The following RUNDC3B variants were observed in gnomAD, a reference collection of about 807,000 sequenced individuals.
The protein encoded by RUNDC3B is RUN domain-containing protein 3B.
In RUNDC3B, 33 loss-of-function variants were observed where a neutral mutation model predicts 58.4. That is an observed-to-expected ratio of 0.56 (90% CI 0.43 to 0.75). The LOEUF (loss-of-function observed/expected upper bound fraction) is 0.75. Ranked by LOEUF, RUNDC3B falls within the 30% of genes least tolerant of loss-of-function variation. The pLI is 0.00. For missense variants in RUNDC3B, 501 were observed against 535.7 expected (o/e 0.94, Z 0.64); for synonymous variants, 193 against 195.2 (o/e 0.99, Z 0.10).
intron 1 of RUNDC3B, among the ~76,000 whole-genome samples, chr7:87,632,087 G>GA (rs901144685): frequency 6.8e-6 from 1 of 147,638 alleles, no homozygotes. Context: ...TGATGTTCTG[G>GA]AAAAAATTGA....
intron 2 of RUNDC3B, among the ~76,000 whole-genome samples, chr7:87,695,901 A>T (rs538668915): frequency 6.6e-6 from 1 of 152,218 alleles, no homozygotes; most frequent in South Asian, 2.1e-4. Context: ...TTAGAGTAAC[A>T]TTGGACCCTA....
At chr7:87,632,317 A>G (rs765300695) in intron 1 of RUNDC3B, among the ~76,000 whole-genome samples, 6 of 152,224 alleles carry the variant, frequency 3.9e-5, no homozygotes, top group Non-Finnish European at 7.4e-5. Context: ...GGTTGTTTAG[A>G]TAGGTAAGAT....
intron 4 of RUNDC3B, among the ~76,000 whole-genome samples, chr7:87,733,995 A>C (rs1831768119): frequency 6.6e-6 from 1 of 152,244 alleles, no homozygotes; most frequent in Non-Finnish European, 1.5e-5. Flanking sequence ...GAATCTGAAT[A>C]GACACTTCTC....
chr7:87,712,170 G>A (rs1273194372), intron 4 of RUNDC3B, among the ~76,000 whole-genome samples: 2 of 152,084 alleles, frequency 1.3e-5, no homozygotes, highest in Admixed American at 1.3e-4. Flanking sequence ...GACCAGGATA[G>A]AAAGACTTTT....
intron 6 of RUNDC3B, among the ~76,000 whole-genome samples, chr7:87,752,377 A>G (rs1833063208): frequency 6.6e-6 from 1 of 152,110 alleles, no homozygotes; most frequent in Non-Finnish European, 1.5e-5. Context: ...TATCAGGATG[A>G]TGCTGGCCTC....
chr7:87,704,491 A>G (rs967534736), intron 3 of RUNDC3B, among the ~76,000 whole-genome samples: 4 of 152,232 alleles, frequency 2.6e-5, no homozygotes, highest in Non-Finnish European at 5.9e-5. Context: ...GAAGTTAACA[A>G]AGTTTAGAAA....
chr7:87,715,648 T>G lies in RUNDC3B; in HGVS notation c.458+4993T>G, dbSNP rs62489863. Reference sequence around the variant, plus strand: ...ACAGAAGCCATTGGAATAGAAGCATTTCATCATAGGAAGGACAATATTGAC... The same window carrying G: ...ACAGAAGCCATTGGAATAGAAGCATGTCATCATAGGAAGGACAATATTGAC... On this transcript the variant is annotated intron_variant, in intron 4 of 10. Transcript: ENST00000394654. 3.0e-3 allele frequency among the ~76,000 whole-genome samples: 455 copies of G among 151,042 alleles called. 3 individuals are homozygous for G. The highest frequency in any genetic ancestry group is 0.021 in the South Asian group (103 of 4,812).
In RUNDC3B at chr7:87,748,011, G is replaced by A. The variant is rs536225269; in HGVS notation, c.629+6432G>A. Among the ~76,000 whole-genome samples, 14 of 152,262 alleles carry A rather than the reference G, an allele frequency of 9.2e-5. 1 individual carries two copies. The highest frequency in any genetic ancestry group is 3.4e-4 in the African/African-American group (14 of 41,560). On this transcript the variant is annotated intron_variant, in intron 6 of 10. Transcript: ENST00000394654. Reference sequence around the variant, plus strand: ...TTCTGGCCAGGAGGCTTCTCACCTCGTTCAAATTTTTGCAGAGTTCAGCTA... The same window carrying A: ...TTCTGGCCAGGAGGCTTCTCACCTCATTCAAATTTTTGCAGAGTTCAGCTA...
chr7:87,736,889 ATTTTT>A (rs869109911), intron 4 of RUNDC3B, among the ~76,000 whole-genome samples: 132 of 28,072 alleles, frequency 4.7e-3, no homozygotes, highest in Non-Finnish European at 6.0e-3. Flanking sequence ...ATATATATAT[ATTTTT>A]TTTTTTTTTT....
intron 1 of RUNDC3B, among the ~76,000 whole-genome samples, chr7:87,644,306 G>A (rs1401007862): frequency 6.6e-6 from 1 of 152,170 alleles, no homozygotes; most frequent in East Asian, 1.9e-4. Flanking sequence ...TGTGGATTGT[G>A]TCATGTCTCT....
chr7:87,699,114 C>T (rs954975076), intron 2 of RUNDC3B, among the ~76,000 whole-genome samples: 1 of 152,122 alleles, frequency 6.6e-6, no homozygotes, highest in Admixed American at 6.5e-5. Context: ...CAGATATTAT[C>T]TCAGACATTG....
At chr7:87,799,540 C>T (rs1345551865) in intron 8 of RUNDC3B, among the ~76,000 whole-genome samples, 3 of 152,068 alleles carry the variant, frequency 2.0e-5, no homozygotes, top group Non-Finnish European at 4.4e-5. Context: ...TGCCGTGTCA[C>T]AAATAGTACT....
intron 8 of RUNDC3B, among the ~76,000 whole-genome samples, chr7:87,780,390 G>C (rs554157835): frequency 6.6e-6 from 1 of 152,050 alleles, no homozygotes; most frequent in Admixed American, 6.6e-5. Flanking sequence ...ACATTTGTTG[G>C]TTGCTTGTAT....
chr7:87,708,745 G>A (rs988844742), intron 3 of RUNDC3B, among the ~76,000 whole-genome samples: 2 of 151,932 alleles, frequency 1.3e-5, no homozygotes, highest in African/African-American at 4.8e-5. Context: ...GTTTGGTGGT[G>A]GTAAAATGAA....
At chr7:87,780,120 A>G (rs1456982867) in intron 8 of RUNDC3B, among the ~76,000 whole-genome samples, 2 of 152,116 alleles carry the variant, frequency 1.3e-5, no homozygotes, top group African/African-American at 4.8e-5. Flanking sequence ...TTGGCAGACC[A>G]ATTTATTTTC....
At position 87,807,513 on chromosome 7, in the gene RUNDC3B, G is replaced by A. The variant is rs764957559; in HGVS notation, c.1097G>A (p.Trp366Ter). The stretch of plus-strand genomic sequence containing the variant: ...CTTTACCGAAAACACAATAAACAGT[G>A]GTATGAGTAAGTGTAATACTTTTTT... ...TLLYRKHNKQ[W>*]YEKSYQSLDQ... The change falls in exon 9 of 11, where the codon TGG becomes TAG. Residue 366 changes from tryptophan (W) to a stop codon, truncating the protein, a stop_gained. Transcript: ENST00000394654. LOFTEE classifies it high-confidence loss of function. 2 of 1,611,956 alleles carry A rather than the reference G, an allele frequency of 1.2e-6. No individual in the cohort carries two copies. Among genetic ancestry groups the A allele is most frequent in the Non-Finnish European group, 1.7e-6 (2 of 1,178,232 alleles).
intron 2 of RUNDC3B, among the ~76,000 whole-genome samples, chr7:87,694,484 G>A (rs1348723143): frequency 6.6e-6 from 1 of 152,028 alleles, no homozygotes; most frequent in Non-Finnish European, 1.5e-5. Context: ...GCTTAGAAAA[G>A]CAATATAGTC....
At chr7:87,676,274 C>T (rs912297665) in intron 2 of RUNDC3B, among the ~76,000 whole-genome samples, 4 of 151,990 alleles carry the variant, frequency 2.6e-5, no homozygotes, top group Non-Finnish European at 4.4e-5. Context: ...GCAAAGGAAA[C>T]AATCCACAAA....
chr7:87,798,526 C>T (rs978907009), intron 8 of RUNDC3B, among the ~76,000 whole-genome samples: 1 of 152,020 alleles, frequency 6.6e-6, no homozygotes, highest in African/African-American at 2.4e-5. Flanking sequence ...ATCTTGTGTC[C>T]TTCTAATATG....
Sources: gnomAD v4.1 joint callset for allele counts (sites outside exome capture counted in the v4.1 genomes callset) on GRCh38, gnomAD v4.1.1 for gene constraint, MANE v1.5 for transcripts, NCBI Gene and HGNC (gene_info 2026-07-23, HGNC 2026-07-21) for gene names.